Variants in INA observed in about 807,000 individuals in gnomAD.
INA encodes the protein alpha-internexin.
Under a neutral mutation model 40.1 loss-of-function variants are expected in INA, and 35 were observed. The ratio of observed to expected loss-of-function variants is 0.87; its 90% CI spans 0.67 to 1.16. The LOEUF (loss-of-function observed/expected upper bound fraction) is 1.16. Among genes scored for constraint, INA ranks in the 50% most tolerant of loss-of-function variants. INA has a pLI of 0.00. For synonymous variants in INA, 290 were observed against 316.9 expected, an observed-to-expected ratio of 0.92 and a Z score of 0.90; for missense variants, 594 against 686.7, an observed-to-expected ratio of 0.87 and a Z score of 1.51.
At position 103,277,290 on chromosome 10, in the gene INA, GCCCGCCTCTCT is replaced by G; in HGVS notation, c.80_90del (p.Ala27GlyfsTer105). 1 of 1,560,542 alleles carries G rather than the reference GCCCGCCTCTCT, an allele frequency of 6.4e-7. No individual in the cohort carries two copies. The highest frequency in any genetic ancestry group is 1.2e-5 in the South Asian group (1 of 85,042). On this transcript the variant is annotated frameshift_variant, in exon 1 of 3. Coordinates refer to ENST00000369849, the MANE Select transcript of INA (RefSeq NM_032727.4). LOFTEE classifies it high-confidence loss of function. This position sits in a 1 kb window ranked among gnomAD's most constrained non-coding sequence, Gnocchi z 5.6. ...GTTCGGGGATGGCTCTCGCCTGTCC[GCCCGCCTCTCT>G]GGGGCCGGCGGCGCGGGCGGCTTCC...
intron 1 of INA, among the ~76,000 whole-genome samples, chr10:103,279,004 T>C (rs2133531999): frequency 6.6e-6 from 1 of 151,768 alleles, no homozygotes; most frequent in Middle Eastern, 3.4e-3. Context: ...ACGTGAAAGG[T>C]CGGGGCGCTG....
At chr10:103,283,681 G>C (rs1190906858) in intron 1 of INA, among the ~76,000 whole-genome samples, 1 of 151,438 alleles carries the variant, frequency 6.6e-6, no homozygotes, top group Admixed American at 6.6e-5. Flanking sequence ...CACACAAGGG[G>C]AGTTTCAAGG....
In INA at chr10:103,289,994, T is replaced by C. The variant is rs55996880; in HGVS notation, c.*1325T>C. 0.028 allele frequency: 4,247 copies of C among 152,804 alleles called. 76 individuals carry two copies. The highest frequency in any genetic ancestry group is 0.034 in the Middle Eastern group (10 of 294). The allele number at this position is 152,804 out of a possible 1,614,324, so 9.5% of individuals were successfully genotyped here. A position where few individuals can be genotyped will look rare whatever the true frequency, so the allele number is the denominator to read the frequency against. ...AAGGGGTGTGCATGCGCCTACTCGC[T>C]TGCTAGAAGTAGATTCTGGACAGTC... is the stretch of plus-strand genomic sequence containing the variant. On this transcript the variant is annotated 3_prime_UTR_variant, in exon 3 of 3. Coordinates refer to ENST00000369849, the MANE Select transcript of INA (RefSeq NM_032727.4).
chr10:103,288,799 G>T lies in INA; in HGVS notation c.*130G>T. On this transcript the variant is annotated 3_prime_UTR_variant, in exon 3 of 3. Transcript: ENST00000369849. ...CTTCAAGGCTTCAGTCTCATATTTA[G>T]TATTGAATACTTACATTCTCTAATA... 1 of 628,404 alleles carries T rather than the reference G, an allele frequency of 1.6e-6. No homozygotes were observed. 38.9% of individuals were successfully genotyped at this position (628,404 alleles called of 1,614,324 possible).
intron 1 of INA, chr10:103,280,726 G>A: frequency 1.0e-6 from 1 of 985,442 alleles, no homozygotes; most frequent in Non-Finnish European, 1.2e-6. Context: ...GTGGATGAGA[G>A]AGTCTGAATC....
chr10:103,277,248 T>A lies in INA; in HGVS notation c.37T>A (p.Ser13Thr). The A allele has an allele frequency of 6.3e-7, 1 of 1,591,090 alleles. No individual in the cohort carries two copies. The highest frequency in any genetic ancestry group is 1.7e-5 in the Admixed American group (1 of 58,702). ...CTCGGAGCACTACCTGTGCTCCTCC[T>A]CCTCCTACCGCAAGGTGTTCGGGGA... ...FGSEHYLCSSSSYRKVFGDGS... is the reference protein window; with the variant it reads ...FGSEHYLCSSTSYRKVFGDGS... Residue 13 changes from serine (S) to threonine (T), a missense_variant, in exon 1 of 3, where the codon TCC (serine) becomes ACC (threonine). Coordinates refer to ENST00000369849, the MANE Select transcript of INA (RefSeq NM_032727.4). The surrounding 1 kb of genome is among the most constrained non-coding windows in gnomAD (Gnocchi z 5.6).
intron 1 of INA, among the ~76,000 whole-genome samples, chr10:103,283,939 C>T (rs1030161939): frequency 7.3e-5 from 11 of 151,668 alleles, no homozygotes; most frequent in Admixed American, 2.0e-4. Flanking sequence ...TTAGTAGAGA[C>T]CATAGTTTCA....
At position 103,281,087 on chromosome 10, in the gene INA, A is replaced by G. The variant is rs142063609; in HGVS notation, c.1065+2811A>G. ...ATGAGATTGGAGTACAGCCTAATTA[A>G]ATAGCAGGAAGGGGCTGGCCCCTTG... On this transcript the variant is annotated intron_variant, in intron 1 of 2. Coordinates refer to ENST00000369849, the MANE Select transcript of INA (RefSeq NM_032727.4). 1.3e-4 allele frequency among the ~76,000 whole-genome samples: 20 copies of G among 152,338 alleles called. 1 individual carries two copies. In the East Asian group the frequency reaches 3.9e-3, roughly 29 times the overall value.
chr10:103,281,829 C>G (rs1236600829), intron 1 of INA, among the ~76,000 whole-genome samples: 2 of 152,234 alleles, frequency 1.3e-5, no homozygotes, highest in African/African-American at 2.4e-5. Context: ...CTTCCAGCCA[C>G]GGGCTGCGAT....
Position 103,277,497 on chromosome 10 carries a change from G to A in INA, c.286G>A (p.Glu96Lys), listed in dbSNP as rs1396202036. The change falls in exon 1 of 3, where the codon GAG becomes AAG. Residue 96 changes from glutamate (E) to lysine (K), a missense_variant. Glu to Lys is a moderately conservative substitution (Grantham distance 56, BLOSUM62 1). Around this residue, in one of 2 missense-constraint regions of INA, gnomAD observed 215 missense variants for 190.6 expected, o/e 1.13. Transcript: ENST00000369849. The surrounding 1 kb of genome is among the most constrained non-coding windows in gnomAD (Gnocchi z 5.6). ...CAAGATCATCCGCACCAACGAGAAG[G>A]AGCAGCTGCAGGGCCTCAACGACCG... ...EYKIIRTNEK[E>K]QLQGLNDRFA... The A allele has an allele frequency of 1.3e-6, 2 of 1,590,168 alleles. No homozygotes were observed. The highest frequency in any genetic ancestry group is 1.7e-6 in the Non-Finnish European group (2 of 1,171,548).
intron 1 of INA, among the ~76,000 whole-genome samples, chr10:103,281,908 G>A (rs2093073539): frequency 6.6e-6 from 1 of 152,240 alleles, no homozygotes; most frequent in Non-Finnish European, 1.5e-5. Context: ...AGCTGGAGCT[G>A]GGCGTGCCGC....
chr10:103,283,331 G>A (rs1412366958), intron 1 of INA, among the ~76,000 whole-genome samples: 1 of 152,068 alleles, frequency 6.6e-6, no homozygotes, highest in East Asian at 1.9e-4. Flanking sequence ...TAGCTAGAGG[G>A]TCTATGTCAG....
At chr10:103,280,265 A>G in intron 1 of INA, 1 of 985,410 alleles carries the variant, frequency 1.0e-6, no homozygotes, top group African/African-American at 1.7e-5. Flanking sequence ...GGACCTGCTG[A>G]TGGGAGTGGA....
At chr10:103,283,111 A>T (rs923351421) in intron 1 of INA, among the ~76,000 whole-genome samples, 1 of 152,232 alleles carries the variant, frequency 6.6e-6, no homozygotes, top group Admixed American at 6.5e-5. Flanking sequence ...AGAAGATTGG[A>T]AGGAACTAAA....
At chr10:103,281,601 C>T (rs972446682) in intron 1 of INA, among the ~76,000 whole-genome samples, 1 of 152,162 alleles carries the variant, frequency 6.6e-6, no homozygotes, top group Non-Finnish European at 1.5e-5. Flanking sequence ...GAATAAAGCA[C>T]GCATGGTGAA....
chr10:103,287,118 C>T lies in INA; in HGVS notation c.1149C>T (p.Leu383=). 2.5e-6 allele frequency: 4 copies of T among 1,613,814 alleles called. No individual in the cohort carries two copies. Among genetic ancestry groups the T allele is most frequent in the Non-Finnish European group, 3.4e-6 (4 of 1,179,886 alleles). The change falls in exon 2 of 3, where the codon CTC becomes CTT. Residue 383 remains leucine, a synonymous_variant. Coordinates refer to ENST00000369849, the MANE Select transcript of INA (RefSeq NM_032727.4). ...ARHLREYQDL[L]NVKMALDIEI... ...ACCTTCGGGAATACCAGGACTTGCT[C>T]AATGTCAAAATGGCTCTTGACATTG...
intron 1 of INA, among the ~76,000 whole-genome samples, chr10:103,281,909 G>C (rs189469077): frequency 2.3e-4 from 35 of 152,344 alleles, no homozygotes; most frequent in Middle Eastern, 3.4e-3. Flanking sequence ...GCTGGAGCTG[G>C]GCGTGCCGCT....
intron 2 of INA, among the ~76,000 whole-genome samples, chr10:103,287,888 A>G (rs1021835842): frequency 3.3e-5 from 5 of 152,078 alleles, no homozygotes; most frequent in African/African-American, 9.7e-5. Context: ...TGCTGGTTCT[A>G]TTCCCTTTGT....
Position 103,288,684 on chromosome 10 carries a change from A to G in INA, c.*15A>G. On this transcript the variant is annotated 3_prime_UTR_variant, in exon 3 of 3. Transcript: ENST00000369849. ...AAAAAATATAATTCCATTGCTTTGAAAAAGTTAATGCTTAAGAGGGAATGA... is the reference window on the plus strand; with the variant it reads ...AAAAAATATAATTCCATTGCTTTGAGAAAGTTAATGCTTAAGAGGGAATGA... The G allele has an allele frequency of 6.6e-7, 1 of 1,506,156 alleles. No individual in the cohort carries two copies. 93.3% of individuals were successfully genotyped at this position (1,506,156 alleles called of 1,614,324 possible).
Sources: gnomAD v4.1 joint callset for allele counts (sites outside exome capture counted in the v4.1 genomes callset) on GRCh38, gnomAD v4.1.1 for gene constraint, gnomAD v4.1.1 regional missense constraint, Gnocchi (gnomAD v3.1) non-coding constraint, MANE v1.5 for transcripts, NCBI Gene and HGNC (gene_info 2026-07-23, HGNC 2026-07-21) for gene names.